The following WDCP variants were observed in gnomAD, a reference collection of about 807,000 sequenced individuals.
WDCP encodes WD repeat and coiled-coil-containing protein.
In WDCP, 19 loss-of-function variants were observed where a neutral mutation model predicts 41.6. That is an observed-to-expected ratio of 0.46 (90% CI 0.32 to 0.67). The LOEUF (loss-of-function observed/expected upper bound fraction) is 0.67, where lower values mean the gene tolerates loss of function less well. Ranked by LOEUF, WDCP falls within the 30% of genes least tolerant of loss-of-function variation. The probability of loss-of-function intolerance (pLI) is 0.04; values close to 1 mark genes in which losing one functional copy is unlikely to be tolerated. For missense variants in WDCP, 802 were observed against 850.7 expected (o/e 0.94, Z 0.71); for synonymous variants, 302 against 320.8 (o/e 0.94, Z 0.63).
intron 3 of WDCP, among the ~76,000 whole-genome samples, chr2:24,031,500 T>C (rs1663092516): frequency 1.3e-5 from 2 of 152,226 alleles, no homozygotes; most frequent in South Asian, 4.1e-4. Context: ...AACATCCATG[T>C]TTACTCCATA....
At chr2:24,042,247 C>CA (rs1341373523) in intron 1 of WDCP, among the ~76,000 whole-genome samples, 5 of 151,764 alleles carry the variant, frequency 3.3e-5, no homozygotes, top group Admixed American at 6.6e-5. Flanking sequence ...ACTAAAAATA[C>CA]AAAAAATTGG....
intron 1 of WDCP, among the ~76,000 whole-genome samples, chr2:24,043,152 G>A (rs1663506893): frequency 6.6e-6 from 1 of 151,856 alleles, no homozygotes; most frequent in Non-Finnish European, 1.5e-5. Context: ...TGGCCAACAT[G>A]GCGAAACCTC....
At position 24,029,829 on chromosome 2, in the gene WDCP, G is replaced by C. The variant is rs559797819; in HGVS notation, c.*1104C>G. The C allele has an allele frequency of 2.6e-5, 4 of 152,504 alleles. No homozygotes were observed. The highest frequency in any genetic ancestry group is 6.5e-5 in the Admixed American group (1 of 15,288). 9.4% of individuals were successfully genotyped at this position (152,504 alleles called of 1,614,324 possible). The stretch of plus-strand genomic sequence containing the variant: ...CTCACTGATCAATTTGTTATGCGCC[G>C]TGACTGAAATCTGTGATTCCATCTG... On this transcript the variant is annotated 3_prime_UTR_variant, in exon 4 of 4. Transcript: ENST00000295148.
chr2:24,036,323 T>C (rs567207061), intron 2 of WDCP, among the ~76,000 whole-genome samples: 1 of 150,634 alleles, frequency 6.6e-6, no homozygotes, highest in African/African-American at 2.4e-5. Context: ...CTAGGCAACA[T>C]AGCAAGATCC....
rs1409609563 is a variant in WDCP, at chr2:24,029,634, C to A, written c.*1299G>T. On this transcript the variant is annotated 3_prime_UTR_variant, in exon 4 of 4. Transcript: ENST00000295148. The stretch of plus-strand genomic sequence containing the variant: ...ACTTGAACCACAAAATGGGCCCTCA[C>A]TTCTTTCCTAACCCAGCTCCATCTT... The A allele has an allele frequency of 6.6e-6, 1 of 152,242 alleles. No individual in the cohort carries two copies. Among genetic ancestry groups the A allele is most frequent in the East Asian group, 1.9e-4 (1 of 5,202 alleles). 9.4% of individuals were successfully genotyped at this position (152,242 alleles called of 1,614,324 possible). A position where few individuals can be genotyped will look rare whatever the true frequency, so the allele number is the denominator to read the frequency against.
chr2:24,044,781 G>A (rs1194365135), intron 1 of WDCP, among the ~76,000 whole-genome samples: 1 of 142,804 alleles, frequency 7.0e-6, no homozygotes, highest in Non-Finnish European at 1.5e-5. Flanking sequence ...TTCCAAATGA[G>A]CCTGCATACT....
rs188397302 is a variant in WDCP, at chr2:24,031,332, T to G, written c.1937-170A>C. On this transcript the variant is annotated intron_variant, in intron 3 of 3. Coordinates refer to ENST00000295148, the MANE Select transcript of WDCP (RefSeq NM_025203.3). The stretch of plus-strand genomic sequence containing the variant: ...GGGTATTGGGAAGACTGGGTATTAC[T>G]TAGGGTCAGGTAGGAGAAAAAGGGG... 3.3e-5 allele frequency among the ~76,000 whole-genome samples: 5 copies of G among 152,300 alleles called. No homozygotes were observed. The East Asian group carries it at 9.6e-4, about 29-fold the overall frequency.
At position 24,032,942 on chromosome 2, in the gene WDCP, G is replaced by T; in HGVS notation, c.1823C>A (p.Pro608His). 6.3e-7 allele frequency: 1 copy of T among 1,579,490 alleles called. No homozygotes were observed. Among genetic ancestry groups the T allele is most frequent in the South Asian group, 1.1e-5 (1 of 89,760 alleles). The part of the protein sequence containing the change: ...LPYVHIIYQK[P>H]YYLGPVVEKR... ...TTCAACAACAGGACCTAGATAATAA[G>T]GTTTCTGCAAATAAAAAATAAAAGT... The change falls in exon 3 of 4, where the codon CCT (proline) becomes CAT (histidine). Residue 608 changes from proline to histidine, a missense_variant. Transcript: ENST00000295148.
chr2:24,045,631 G>GAGAGAGGAAGGAAGGAAGGA (rs1553318652), intron 1 of WDCP, among the ~76,000 whole-genome samples: 115 of 106,086 alleles, frequency 1.1e-3, no homozygotes, highest in African/African-American at 5.3e-3. Context: ...GAGAGAGAGA[G>GAGAGAGGAAGGAAGGAAGGA]AGGAAGGAAG....
chr2:24,033,061 T>A, intron 2 of WDCP, 115 bp from the exon 3 acceptor site: 6 of 730,808 alleles, frequency 8.2e-6, no homozygotes, highest in Non-Finnish European at 1.5e-5. Context: ...TTACCACTAA[T>A]CAACTGGACT....
At position 24,038,538 on chromosome 2, in the gene WDCP, C is replaced by G; in HGVS notation, c.957G>C (p.Leu319Phe). Residue 319 changes from leucine (L) to phenylalanine (F), a missense_variant, in exon 2 of 4, where the codon TTG becomes TTC. Transcript: ENST00000295148. ...LTGTGQDSSH[L>F]VLVTFKKAVT... ...CTGCCTTCTTAAAGGTCACAAGGAC[C>G]AAATGTGAAGAATCTTGGCCAGTTC... is the stretch of plus-strand genomic sequence containing the variant. 1 of 1,614,138 alleles carries G rather than the reference C, an allele frequency of 6.2e-7. No individual in the cohort carries two copies. Among genetic ancestry groups the G allele is most frequent in the Admixed American group, 1.7e-5 (1 of 60,022 alleles).
intron 1 of WDCP, among the ~76,000 whole-genome samples, chr2:24,040,967 G>T (rs1663410167): frequency 6.6e-6 from 1 of 151,876 alleles, no homozygotes; most frequent in African/African-American, 2.4e-5. Flanking sequence ...AGTGAGCTGA[G>T]ATCGTGCCAT....
At chr2:24,036,065 AAAATAAATAAATAAATAAAT>A (rs546096434) in intron 2 of WDCP, among the ~76,000 whole-genome samples, 54 of 140,404 alleles carry the variant, frequency 3.8e-4, no homozygotes, top group Middle Eastern at 3.5e-3. Context: ...CTCCGTCTCA[AAAATAAATAAATAAATAAAT>A]AAATAAATAA....
intron 1 of WDCP, among the ~76,000 whole-genome samples, chr2:24,040,499 T>C (rs1024210132): frequency 6.6e-6 from 1 of 152,246 alleles, no homozygotes; most frequent in Non-Finnish European, 1.5e-5. Context: ...CCAAAGTGGC[T>C]TTTATCCCTC....
intron 1 of WDCP, among the ~76,000 whole-genome samples, chr2:24,042,491 G>A (rs1663475114): frequency 1.5e-5 from 2 of 137,142 alleles, no homozygotes; most frequent in South Asian, 2.3e-4. Flanking sequence ...AATCGAGATC[G>A]CACCACTGCA....
intron 1 of WDCP, among the ~76,000 whole-genome samples, chr2:24,043,299 G>C (rs1663511629): frequency 6.6e-6 from 1 of 152,160 alleles, no homozygotes; most frequent in Non-Finnish European, 1.5e-5. Flanking sequence ...TGGCACCACT[G>C]CACTGTAGCC....
intron 2 of WDCP, among the ~76,000 whole-genome samples, chr2:24,035,443 G>A (rs1663214852): frequency 6.6e-6 from 1 of 151,926 alleles, no homozygotes; most frequent in Non-Finnish European, 1.5e-5. Flanking sequence ...ACATAGGGTA[G>A]GAATAAGAGT....
rs543100719 is a variant in WDCP, at chr2:24,038,263, G to T, written c.1232C>A (p.Thr411Lys). ...AGACTTTGAAGAAGGAAGAAATGTT[G>T]TATCAGTGAGTTTTTGTTTTCCTAC... ...ILVGKQKLTD[T>K]TFLPSSKSDQ... The change falls in exon 2 of 4, where the codon ACA becomes AAA. Residue 411 changes from threonine to lysine, a missense_variant. Transcript: ENST00000295148. 36 of 1,614,138 alleles carry T rather than the reference G, an allele frequency of 2.2e-5. No homozygotes were observed. In the East Asian group the frequency reaches 4.9e-4, roughly 22 times the overall value.
chr2:24,042,709 CA>C (rs544160920), intron 1 of WDCP, among the ~76,000 whole-genome samples: 124 of 140,568 alleles, frequency 8.8e-4, no homozygotes, highest in East Asian at 5.9e-3. Context: ...AACTCTGTCT[CA>C]AAAAAAAAAA....
Sources: gnomAD v4.1 joint callset for allele counts (sites outside exome capture counted in the v4.1 genomes callset) on GRCh38, gnomAD v4.1.1 for gene constraint, MANE v1.5 for transcripts, NCBI Gene and HGNC (gene_info 2026-07-23, HGNC 2026-07-21) for gene names.